Variants in GNAL observed in about 807,000 individuals in gnomAD.
GNAL encodes guanine nucleotide-binding protein G(olf) subunit alpha.
A neutral mutation model predicts 55.1 loss-of-function variants in GNAL; 18 were observed. The ratio of observed to expected loss-of-function variants is 0.33; its 90% confidence interval spans 0.23 to 0.48. The LOEUF is 0.48. Among genes scored for constraint, GNAL ranks in the 20% least tolerant of loss-of-function variants. The pLI is 0.99. For missense variants in GNAL, 412 were observed against 614.1 expected (o/e 0.67, Z 3.48); for synonymous variants, 253 against 237.0 (o/e 1.07, Z -0.62).
At chr18:11,698,561 G>A (rs1311936003) in intron 1 of GNAL, among the ~76,000 whole-genome samples, 2 of 152,020 alleles carry the variant, frequency 1.3e-5, no homozygotes, top group Admixed American at 6.6e-5. Context: ...CCTGGTGGGT[G>A]CAGGAGGCTT....
At chr18:11,741,509 T>A (rs2032574554) in intron 1 of GNAL, among the ~76,000 whole-genome samples, 1 of 152,230 alleles carries the variant, frequency 6.6e-6, no homozygotes, top group Non-Finnish European at 1.5e-5. Flanking sequence ...TCAGAGAACT[T>A]GACTGCAGGT....
intron 1 of GNAL, chr18:11,747,341 G>A (rs1018009386): frequency 5.4e-6 from 1 of 184,236 alleles, no homozygotes; most frequent in South Asian, 1.2e-4. Flanking sequence ...CTGGTTTAAG[G>A]TGTTACAGGA....
intron 5 of GNAL, among the ~76,000 whole-genome samples, chr18:11,849,279 AT>A (rs2035801931): frequency 6.6e-6 from 1 of 152,246 alleles, no homozygotes; most frequent in Non-Finnish European, 1.5e-5. Context: ...AGGTGGGCAG[AT>A]CAACTGAGGT....
intron 8 of GNAL, among the ~76,000 whole-genome samples, chr18:11,867,985 T>C (rs2143865982): frequency 6.6e-6 from 1 of 151,696 alleles, no homozygotes; most frequent in Admixed American, 6.6e-5. Flanking sequence ...ATTAGCCGGG[T>C]GTTATGGCGC....
chr18:11,817,414 C>T (rs1320446750), intron 4 of GNAL, among the ~76,000 whole-genome samples: 2 of 152,164 alleles, frequency 1.3e-5, no homozygotes, highest in Non-Finnish European at 2.9e-5. Context: ...ACAGATAGAC[C>T]TTATACCTAG....
chr18:11,825,518 G>T (rs1396044086), intron 5 of GNAL, among the ~76,000 whole-genome samples: 1 of 149,862 alleles, frequency 6.7e-6, no homozygotes, highest in East Asian at 1.9e-4. Flanking sequence ...ATCACCTGAG[G>T]TCAGGAGTTC....
intron 4 of GNAL, among the ~76,000 whole-genome samples, chr18:11,791,548 G>A (rs370803480): frequency 1.3e-5 from 2 of 152,134 alleles, no homozygotes; most frequent in Non-Finnish European, 2.9e-5. Context: ...CTTTTAAAGT[G>A]GGGGAGGAAC....
In GNAL at chr18:11,851,304, A is replaced by ACGTCCCACAGGCCCCACCCCGGCGCCTTC. The variant is rs1183134366; in HGVS notation, c.723-11084_723-11056dup. 1.2e-5 allele frequency: 7 copies of ACGTCCCACAGGCCCCACCCCGGCGCCTTC among 562,834 alleles called. No individual in the cohort carries two copies. The African/African-American group carries it at 1.3e-4, about 11-fold the overall frequency. The allele number at this position is 562,834 out of a possible 1,614,324, so 34.9% of individuals were successfully genotyped here. A position where few individuals can be genotyped will look rare whatever the true frequency, so the allele number is the denominator to read the frequency against. Reference sequence around the variant, plus strand: ...CTGCATGCGCAGCCCCTGGCGTCTTACGTCCCACAGGCCCCACCCCGGCGC... The same window carrying ACGTCCCACAGGCCCCACCCCGGCGCCTTC: ...CTGCATGCGCAGCCCCTGGCGTCTTACGTCCCACAGGCCCCACCCCGGCGCCTTCCGTCCCACAGGCCCCACCCCGGCGC... On this transcript the variant is annotated intron_variant, in intron 5 of 11. Coordinates refer to ENST00000334049, the MANE Select transcript of GNAL (RefSeq NM_182978.4).
intron 5 of GNAL, among the ~76,000 whole-genome samples, chr18:11,825,426 T>C (rs1402615102): frequency 6.6e-6 from 1 of 152,152 alleles, no homozygotes; most frequent in African/African-American, 2.4e-5. Context: ...GATCATTCTG[T>C]ACACATTAGA....
rs556469997 is a variant in GNAL, at chr18:11,874,785, C to A, written c.1163-1836C>A. Reference sequence around the variant, plus strand: ...CTCCAGAACACAGCCCAGGCAGAGACCCACAGCGGTTGCTGCACCCTTCCC... The same window carrying A: ...CTCCAGAACACAGCCCAGGCAGAGAACCACAGCGGTTGCTGCACCCTTCCC... On this transcript the variant is annotated intron_variant, in intron 10 of 11. Coordinates refer to ENST00000334049, the MANE Select transcript of GNAL (RefSeq NM_182978.4). 3.3e-5 allele frequency among the ~76,000 whole-genome samples: 5 copies of A among 149,404 alleles called. No homozygotes were observed. In the South Asian group the frequency reaches 8.5e-4, roughly 25 times the overall value.
At chr18:11,699,380 T>A (rs1176251753) in intron 1 of GNAL, among the ~76,000 whole-genome samples, 6 of 151,580 alleles carry the variant, frequency 4.0e-5, no homozygotes, top group East Asian at 3.9e-4. Context: ...GTTTTTTTTT[T>A]ATTTTTGTAT....
At chr18:11,773,485 G>A (rs991119209) in intron 4 of GNAL, among the ~76,000 whole-genome samples, 2 of 152,082 alleles carry the variant, frequency 1.3e-5, no homozygotes, top group African/African-American at 4.8e-5. Context: ...CTCATAATAG[G>A]CCAGATGCAG....
chr18:11,862,519 T>A (rs1427941562), intron 6 of GNAL, 70 bp downstream of exon 6: 2 of 1,253,912 alleles, frequency 1.6e-6, no homozygotes, highest in African/African-American at 1.5e-5. Flanking sequence ...GATTTAATGA[T>A]TATTTCAGAA....
chr18:11,763,475 G>A lies in GNAL; in HGVS notation c.624+9530G>A, dbSNP rs576719945. On this transcript the variant is annotated intron_variant, in intron 4 of 11. Transcript: ENST00000334049. Reference sequence around the variant, plus strand: ...CTCCCAGGCTGGAGTGCAGTGGTGCGATCTCGGCTCACTGCAGCCTCCCAA... The same window carrying A: ...CTCCCAGGCTGGAGTGCAGTGGTGCAATCTCGGCTCACTGCAGCCTCCCAA... 5.3e-5 allele frequency among the ~76,000 whole-genome samples: 8 copies of A among 151,694 alleles called. No homozygotes were observed. The South Asian group carries it at 6.3e-4, about 12-fold the overall frequency.
chr18:11,768,889 G>A (rs1293619610), intron 4 of GNAL, among the ~76,000 whole-genome samples: 1 of 121,580 alleles, frequency 8.2e-6, no homozygotes, highest in East Asian at 2.2e-4. Context: ...GCAAGACTCT[G>A]TCTCAAAAAA....
chr18:11,813,213 C>G (rs971507234), intron 4 of GNAL, among the ~76,000 whole-genome samples: 3 of 149,476 alleles, frequency 2.0e-5, no homozygotes, highest in African/African-American at 7.4e-5. Context: ...CGAGATCGCT[C>G]TATTGCACTC....
intron 1 of GNAL, among the ~76,000 whole-genome samples, chr18:11,693,852 A>ATT (rs35736728): frequency 0.33 from 36,549 of 109,416 alleles, 7,841 homozygotes; most frequent in African/African-American, 0.64. Flanking sequence ...CTATGTCGCT[A>ATT]TTTTTTTTTT....
In GNAL at chr18:11,689,748, C is replaced by CA. The variant is rs2031174770; in HGVS notation, c.186dup (p.Cys63MetfsTer67). On this transcript the variant is annotated frameshift_variant, in exon 1 of 12. Transcript: ENST00000334049. LOFTEE classifies it high-confidence loss of function. Reference sequence around the variant, plus strand: ...CCTCGGGGCGGCGAAGGGAGCCCGGCATGCGCTCGGCCCAAAGCAGACAAG... The same window carrying CA: ...CCTCGGGGCGGCGAAGGGAGCCCGGCAATGCGCTCGGCCCAAAGCAGACAAG... The CA allele has an allele frequency of 1.3e-6, 2 of 1,508,750 alleles. No individual in the cohort carries two copies. The highest frequency in any genetic ancestry group is 1.8e-6 in the Non-Finnish European group (2 of 1,132,276). 93.5% of individuals were successfully genotyped at this position (1,508,750 alleles called of 1,614,324 possible).
intron 1 of GNAL, among the ~76,000 whole-genome samples, chr18:11,732,710 A>G (rs2032367000): frequency 6.6e-6 from 1 of 152,266 alleles, no homozygotes; most frequent in African/African-American, 2.4e-5. Flanking sequence ...GATCTTCCCA[A>G]CATTTACAAA....
Sources: allele counts gnomAD v4.1 joint callset (sites outside exome capture counted in the v4.1 genomes callset), GRCh38; gene constraint gnomAD v4.1.1; transcripts MANE v1.5; gene names NCBI Gene and HGNC (gene_info 2026-07-23, HGNC 2026-07-21).